Variants in JAKMIP1 observed in about 807,000 individuals in gnomAD.
JAKMIP1 encodes janus kinase and microtubule-interacting protein 1.
JAKMIP1 carries 33 observed loss-of-function variants against 113.0 expected under a neutral mutation model. The observed-to-expected ratio is 0.29, with a 90% CI of 0.22 to 0.39. JAKMIP1 has a LOEUF of 0.39. Ranked by LOEUF, JAKMIP1 falls within the 10% of genes least tolerant of loss-of-function variation. The pLI is 1.00. For synonymous variants in JAKMIP1, 480 were observed against 459.9 expected, an observed-to-expected ratio of 1.04 and a Z score of -0.56; for missense variants, 813 against 1,080.5, an observed-to-expected ratio of 0.75 and a Z score of 3.47.
At chr4:6,190,542 G>C (rs1176335876) in intron 1 of JAKMIP1, among the ~76,000 whole-genome samples, 1 of 152,186 alleles carries the variant, frequency 6.6e-6, no homozygotes, top group Non-Finnish European at 1.5e-5. Context: ...TCACTCCCCA[G>C]CAATGAGGTG....
intron 19 of JAKMIP1, among the ~76,000 whole-genome samples, 189 bp downstream of exon 19, chr4:6,035,715 C>T (rs1412071448): frequency 6.6e-6 from 1 of 152,234 alleles, no homozygotes; most frequent in African/African-American, 2.4e-5. Flanking sequence ...GCCCAAGTGC[C>T]CCACGTCTTG....
At chr4:6,070,931 G>C (rs191209398) in intron 8 of JAKMIP1, among the ~76,000 whole-genome samples, 36 of 152,242 alleles carry the variant, frequency 2.4e-4, no homozygotes, top group Non-Finnish European at 5.0e-4. Flanking sequence ...AGCGTCACCA[G>C]ACATAATATC....
In JAKMIP1 at chr4:6,186,037, T is replaced by C. The variant is rs1297685839; in HGVS notation, c.-148+14216A>G. On this transcript the variant is annotated intron_variant, in intron 1 of 20. Coordinates refer to ENST00000409021, the MANE Select transcript of JAKMIP1 (RefSeq NM_001099433.2). The surrounding 1 kb of genome is among the most constrained non-coding windows in gnomAD (Gnocchi z 5.5). ...GGGGCACTCCATTCAGTAATGGAGA[T>C]GAAAGTGGACACAGCCAGCCACTCA... 6.6e-6 allele frequency among the ~76,000 whole-genome samples: 1 copy of C among 151,900 alleles called. No individual in the cohort carries two copies. The highest frequency in any genetic ancestry group is 1.5e-5 in the Non-Finnish European group (1 of 67,998).
intron 1 of JAKMIP1, among the ~76,000 whole-genome samples, chr4:6,128,545 A>T (rs569026535): frequency 6.9e-6 from 1 of 145,846 alleles, no homozygotes; most frequent in African/African-American, 2.4e-5. Context: ...GCTGGTCTTC[A>T]ATGTGCTTCT....
At chr4:6,130,003 A>G (rs1192300623) in intron 1 of JAKMIP1, among the ~76,000 whole-genome samples, 1 of 152,150 alleles carries the variant, frequency 6.6e-6, no homozygotes, top group African/African-American at 2.4e-5. Flanking sequence ...AGGCCTCTCT[A>G]AATTTGGAAG....
chr4:6,140,634 T>G lies in JAKMIP1; in HGVS notation c.-147-27637A>C, dbSNP rs2108959973. 6.6e-6 allele frequency among the ~76,000 whole-genome samples: 1 copy of G among 152,206 alleles called. No individual in the cohort carries two copies. The highest frequency in any genetic ancestry group is 2.1e-4 in the South Asian group (1 of 4,818). ...CTGGAGGGGTGGAGAAATACATGAT[T>G]TTGTTTATCTCCTTTTGATCTGTCT... is the stretch of plus-strand genomic sequence containing the variant. On this transcript the variant is annotated intron_variant, in intron 1 of 20. Transcript: ENST00000409021. This position sits in a 1 kb window ranked among gnomAD's most constrained non-coding sequence, Gnocchi z 9.4.
Position 6,106,008 on chromosome 4 carries a change from C to T in JAKMIP1, c.130-41G>A. ...CGAGAGAGCCGGTCAGGGTCAGGGTCAGGGTCAGGGTCAGGGTCAGGGTCA... is the reference window on the plus strand; with the variant it reads ...CGAGAGAGCCGGTCAGGGTCAGGGTTAGGGTCAGGGTCAGGGTCAGGGTCA... On this transcript the variant is annotated intron_variant, in intron 2 of 20. Coordinates refer to ENST00000409021, the MANE Select transcript of JAKMIP1 (RefSeq NM_001099433.2). This position sits in a 1 kb window ranked among gnomAD's most constrained non-coding sequence, Gnocchi z 5.9. The T allele has an allele frequency of 1.7e-6, 2 of 1,195,736 alleles. No individual in the cohort carries two copies. Among genetic ancestry groups the T allele is most frequent in the Non-Finnish European group, 2.3e-6 (2 of 855,366 alleles). The allele number at this position is 1,195,736 out of a possible 1,614,324, so 74.1% of individuals were successfully genotyped here. A position where few individuals can be genotyped will look rare whatever the true frequency, so the allele number is the denominator to read the frequency against.
chr4:6,159,646 C>T (rs1722667430), intron 1 of JAKMIP1, among the ~76,000 whole-genome samples: 1 of 152,200 alleles, frequency 6.6e-6, no homozygotes, highest in Non-Finnish European at 1.5e-5. Context: ...AATTTTCACT[C>T]ATCACATTGG....
chr4:6,062,485 C>T lies in JAKMIP1; in HGVS notation c.1432-45G>A, dbSNP rs1424781107. The T allele has an allele frequency of 3.2e-6, 5 of 1,570,170 alleles. No homozygotes were observed. The East Asian group carries it at 1.1e-4, about 36-fold the overall frequency. On this transcript the variant is annotated intron_variant, in intron 9 of 20. Coordinates refer to ENST00000409021, the MANE Select transcript of JAKMIP1 (RefSeq NM_001099433.2). ...AAACAAATAATCAAGTGCAAAATTA[C>T]AATAATAAATGATTTATGATTGATT... is the stretch of plus-strand genomic sequence containing the variant.
intron 17 of JAKMIP1, among the ~76,000 whole-genome samples, chr4:6,041,503 C>T (rs528454211): frequency 5.4e-4 from 82 of 152,304 alleles, no homozygotes; most frequent in African/African-American, 1.9e-3. Flanking sequence ...CCTTTGACTA[C>T]TCAAGAACCA....
intron 11 of JAKMIP1, among the ~76,000 whole-genome samples, chr4:6,058,608 A>G (rs1382704406): frequency 6.6e-6 from 1 of 152,258 alleles, no homozygotes; most frequent in Non-Finnish European, 1.5e-5. Context: ...TGGGAGGTCC[A>G]GTTCCAGCCA....
rs939278030 is a variant in JAKMIP1, at chr4:6,076,352, G to A, written c.1302+2587C>T. Among the ~76,000 whole-genome samples the A allele has an allele frequency of 6.6e-6, 1 of 151,982 alleles. No individual in the cohort carries two copies. Among genetic ancestry groups the A allele is most frequent in the Admixed American group, 6.6e-5 (1 of 15,258 alleles). ...TTGGGCCTTGTAGTCTCAGACTTGA[G>A]TTTGAAACTCAGCCTTGTCAATTTA... On this transcript the variant is annotated intron_variant, in intron 8 of 20. Coordinates refer to ENST00000409021, the MANE Select transcript of JAKMIP1 (RefSeq NM_001099433.2). This position sits in a 1 kb window ranked among gnomAD's most constrained non-coding sequence, Gnocchi z 4.8.
At position 6,167,704 on chromosome 4, in the gene JAKMIP1, C is replaced by T. The variant is rs1723811312; in HGVS notation, c.-148+32549G>A. 6.6e-6 allele frequency among the ~76,000 whole-genome samples: 1 copy of T among 152,240 alleles called. No homozygotes were observed. The highest frequency in any genetic ancestry group is 1.5e-5 in the Non-Finnish European group (1 of 68,036). On this transcript the variant is annotated intron_variant, in intron 1 of 20. Coordinates refer to ENST00000409021, the MANE Select transcript of JAKMIP1 (RefSeq NM_001099433.2). This position sits in a 1 kb window ranked among gnomAD's most constrained non-coding sequence, Gnocchi z 5.3. ...TGACACGTGTCAGCTCCCTCCACCCCACCATGAATGTACTGCTATCCTCAC... is the reference window on the plus strand; with the variant it reads ...TGACACGTGTCAGCTCCCTCCACCCTACCATGAATGTACTGCTATCCTCAC...
intron 1 of JAKMIP1, among the ~76,000 whole-genome samples, chr4:6,127,238 T>C (rs1717823347): frequency 6.6e-6 from 1 of 152,144 alleles, no homozygotes; most frequent in Non-Finnish European, 1.5e-5. Flanking sequence ...ACCTGACCCA[T>C]CTGAGCCACA....
intron 1 of JAKMIP1, among the ~76,000 whole-genome samples, chr4:6,195,065 A>T (rs1447218115): frequency 6.6e-6 from 1 of 152,178 alleles, no homozygotes; most frequent in Non-Finnish European, 1.5e-5. Context: ...ATGTGCAGGG[A>T]CCAGACTGGG....
In JAKMIP1 at chr4:6,076,844, T is replaced by A. The variant is rs1343868366; in HGVS notation, c.1302+2095A>T. On this transcript the variant is annotated intron_variant, in intron 8 of 20. Coordinates refer to ENST00000409021, the MANE Select transcript of JAKMIP1 (RefSeq NM_001099433.2). The surrounding 1 kb of genome is among the most constrained non-coding windows in gnomAD (Gnocchi z 4.8). ...GCCTGAAGGGAATTGTATATAATAT[T>A]TTAAATAATTTTGTGCATGAATCAA... Among the ~76,000 whole-genome samples, 1 of 152,204 alleles carries A rather than the reference T, an allele frequency of 6.6e-6. No homozygotes were observed. Among genetic ancestry groups the A allele is most frequent in the Non-Finnish European group, 1.5e-5 (1 of 68,042 alleles).
At chr4:6,041,982 A>G (rs1714371901) in intron 17 of JAKMIP1, among the ~76,000 whole-genome samples, 177 bp downstream of exon 17, 2 of 152,222 alleles carry the variant, frequency 1.3e-5, no homozygotes, top group South Asian at 4.1e-4. Context: ...TGAGTAATTG[A>G]GCGAGTGAAA....
chr4:6,044,945 A>G lies in JAKMIP1; in HGVS notation c.2029-2718T>C, dbSNP rs1425813117. ...CAGGAGAGGGGGTCTCAGGCTGGGG[A>G]GGAGAAGTGAGTCCACTCACAGGGA... On this transcript the variant is annotated intron_variant, in intron 16 of 20. Transcript: ENST00000409021. This position sits in a 1 kb window ranked among gnomAD's most constrained non-coding sequence, Gnocchi z 4.4. Among the ~76,000 whole-genome samples the G allele has an allele frequency of 6.6e-6, 1 of 151,990 alleles. No individual in the cohort carries two copies. Among genetic ancestry groups the G allele is most frequent in the Non-Finnish European group, 1.5e-5 (1 of 67,956 alleles).
intron 13 of JAKMIP1, among the ~76,000 whole-genome samples, chr4:6,053,054 C>T (rs1037760407): frequency 9.2e-5 from 14 of 152,182 alleles, no homozygotes; most frequent in African/African-American, 2.2e-4. Flanking sequence ...GAGGGTTTCA[C>T]GCATGCAAAG....
Sources: gnomAD v4.1 joint callset for allele counts (sites outside exome capture counted in the v4.1 genomes callset) on GRCh38, gnomAD v4.1.1 for gene constraint, Gnocchi (gnomAD v3.1) non-coding constraint, MANE v1.5 for transcripts, NCBI Gene and HGNC (gene_info 2026-07-23, HGNC 2026-07-21) for gene names.